Variants in TAF3 observed in about 807,000 individuals in gnomAD.
TAF3 encodes the protein TATA-box binding protein associated factor 3, also known as transcription initiation factor TFIID subunit 3.
TAF3 carries 7 observed loss-of-function variants against 80.6 expected under a neutral mutation model. The observed-to-expected ratio is 0.09, with a 90% confidence interval of 0.05 to 0.16. TAF3 has a LOEUF of 0.16. Among genes scored for constraint, TAF3 ranks in the 10% least tolerant of loss-of-function variants. TAF3 has a pLI of 1.00. For synonymous variants in TAF3, 444 were observed against 446.1 expected (o/e 1.00, Z 0.06); for missense variants, 921 against 1,140.2 (o/e 0.81, Z 2.77).
chr10:7,978,028 T>A (rs1420727866), intron 4 of TAF3, among the ~76,000 whole-genome samples: 1 of 150,910 alleles, frequency 6.6e-6, no homozygotes, highest in Non-Finnish European at 1.5e-5. Context: ...AAACATTGAT[T>A]TTTTTTTTTG....
chr10:7,987,443 TATC>T (rs1831789593), intron 4 of TAF3, among the ~76,000 whole-genome samples: 1 of 152,238 alleles, frequency 6.6e-6, no homozygotes, highest in African/African-American at 2.4e-5. Flanking sequence ...TTTACTGTTG[TATC>T]ATCATTTATC....
chr10:7,990,572 C>G (rs1831824689), intron 4 of TAF3, among the ~76,000 whole-genome samples: 1 of 152,114 alleles, frequency 6.6e-6, no homozygotes, highest in African/African-American at 2.4e-5. Context: ...ATGTGCTCTA[C>G]TGTTATTATA....
chr10:7,854,010 A>G (rs1312276609), intron 2 of TAF3, among the ~76,000 whole-genome samples: 1 of 152,234 alleles, frequency 6.6e-6, no homozygotes, highest in African/African-American at 2.4e-5. Context: ...CTTTATATCA[A>G]CAAAACTTAG....
At chr10:7,952,863 A>C (rs889842917) in intron 2 of TAF3, among the ~76,000 whole-genome samples, 4 of 152,200 alleles carry the variant, frequency 2.6e-5, no homozygotes, top group African/African-American at 9.6e-5. Context: ...GTTGTGTTTT[A>C]AGGGTCTAAT....
At chr10:7,984,032 A>T (rs1484093704) in intron 4 of TAF3, among the ~76,000 whole-genome samples, 1 of 152,096 alleles carries the variant, frequency 6.6e-6, no homozygotes, top group Non-Finnish European at 1.5e-5. Context: ...TGAAATTCCT[A>T]GGCTCTGAAC....
intron 2 of TAF3, among the ~76,000 whole-genome samples, chr10:7,946,227 G>A (rs1257760637): frequency 6.6e-6 from 1 of 152,092 alleles, no homozygotes; most frequent in Non-Finnish European, 1.5e-5. Flanking sequence ...AAGCTCTCTT[G>A]ACCTACCCAA....
intron 2 of TAF3, among the ~76,000 whole-genome samples, chr10:7,905,683 C>T (rs1346421562): frequency 6.6e-6 from 1 of 152,128 alleles, no homozygotes; most frequent in African/African-American, 2.4e-5. Context: ...AGTTCGAGAC[C>T]AGCCTGGCCA....
At chr10:7,958,962 G>A (rs546025714) in intron 2 of TAF3, among the ~76,000 whole-genome samples, 22 of 151,984 alleles carry the variant, frequency 1.4e-4, no homozygotes, top group East Asian at 5.8e-4. Context: ...GTAAAACCCC[G>A]TCTCTACTAA....
At chr10:7,914,653 T>C (rs1373548614) in intron 2 of TAF3, among the ~76,000 whole-genome samples, 1 of 152,206 alleles carries the variant, frequency 6.6e-6, no homozygotes, top group Non-Finnish European at 1.5e-5. Flanking sequence ...TGTAAATTGT[T>C]AATAAAATCT....
At chr10:7,885,287 C>T (rs1837399776) in intron 2 of TAF3, among the ~76,000 whole-genome samples, 2 of 151,982 alleles carry the variant, frequency 1.3e-5, no homozygotes, top group Admixed American at 6.5e-5. Flanking sequence ...CACACACACA[C>T]AAAGTGACTA....
intron 4 of TAF3, among the ~76,000 whole-genome samples, chr10:7,977,836 T>A (rs1325286501): frequency 1.3e-5 from 2 of 152,242 alleles, no homozygotes; most frequent in Admixed American, 6.5e-5. Context: ...AGTCCACTTT[T>A]TTTTAAGGAA....
In TAF3 at chr10:7,963,948, T is replaced by C; in HGVS notation, c.438T>C (p.Asp146=). The C allele has an allele frequency of 6.2e-7, 1 of 1,609,318 alleles. No homozygotes were observed. Among genetic ancestry groups the C allele is most frequent in the Non-Finnish European group, 8.5e-7 (1 of 1,178,090 alleles). ...AAGAAGAAGAGCAGGTGCCCACTGA[T>C]GGAGGCACATCAGCAGAAGCCATGC... The part of the protein sequence containing the change: ...EEEEEEQVPT[D]GGTSAEAMQV... The change falls in exon 3 of 7, where the codon GAT becomes GAC. Residue 146 remains aspartate (D), a synonymous_variant. Coordinates refer to ENST00000344293, the MANE Select transcript of TAF3 (RefSeq NM_031923.4).
intron 4 of TAF3, among the ~76,000 whole-genome samples, chr10:8,000,618 G>A (rs759477969): frequency 1.7e-4 from 26 of 151,820 alleles, no homozygotes; most frequent in Non-Finnish European, 3.1e-4. Flanking sequence ...AAAAAAATAC[G>A]TATACAAAAA....
intron 3 of TAF3, among the ~76,000 whole-genome samples, chr10:7,969,892 T>C (rs536749506): frequency 3.7e-4 from 56 of 152,338 alleles, no homozygotes; most frequent in African/African-American, 1.2e-3. Flanking sequence ...GCAGACCCTC[T>C]GCTTCCTTCC....
chr10:7,970,744 T>C (rs1831614104), intron 3 of TAF3, among the ~76,000 whole-genome samples: 1 of 152,238 alleles, frequency 6.6e-6, no homozygotes, highest in Admixed American at 6.5e-5. Flanking sequence ...AATGTTTCTT[T>C]ATCCCCAAGT....
chr10:7,867,931 C>T (rs1416719844), intron 2 of TAF3, among the ~76,000 whole-genome samples: 1 of 152,066 alleles, frequency 6.6e-6, no homozygotes, highest in Non-Finnish European at 1.5e-5. Context: ...GTACTGTATT[C>T]TTACAATAAA....
intron 3 of TAF3, among the ~76,000 whole-genome samples, chr10:7,974,350 G>T (rs2131418282): frequency 6.6e-6 from 1 of 152,290 alleles, no homozygotes; most frequent in African/African-American, 2.4e-5. Flanking sequence ...TGGGCAAGTT[G>T]ATACGTTAAG....
intron 2 of TAF3, among the ~76,000 whole-genome samples, chr10:7,911,800 C>T (rs1418542740): frequency 6.6e-6 from 1 of 152,196 alleles, no homozygotes; most frequent in Non-Finnish European, 1.5e-5. Flanking sequence ...GAACATTGAG[C>T]TTCCATTTTG....
At chr10:7,837,477 T>C (rs1287842841) in intron 2 of TAF3, among the ~76,000 whole-genome samples, 1 of 151,990 alleles carries the variant, frequency 6.6e-6, no homozygotes, top group Non-Finnish European at 1.5e-5. Flanking sequence ...ACCTCGTCTC[T>C]ACTAAAAATA....
Sources: allele counts gnomAD v4.1 joint callset (sites outside exome capture counted in the v4.1 genomes callset), GRCh38; gene constraint gnomAD v4.1.1; transcripts MANE v1.5; gene names NCBI Gene and HGNC (gene_info 2026-07-23, HGNC 2026-07-21).